The following SEPTIN2 variants were observed in gnomAD, a reference collection of about 807,000 sequenced individuals.
The protein encoded by SEPTIN2 is septin-2.
SEPTIN2 carries 34 observed loss-of-function variants against 46.5 expected under a neutral mutation model. That is an observed-to-expected ratio of 0.73 (90% CI 0.56 to 0.97). SEPTIN2 has a LOEUF of 0.97. Ranked by LOEUF, SEPTIN2 falls within the 50% of genes least tolerant of loss-of-function variation. The pLI, the probability that SEPTIN2 is intolerant of heterozygous loss-of-function variation, is 0.00. For synonymous variants in SEPTIN2, 175 were observed against 153.4 expected, an observed-to-expected ratio of 1.14 and a Z score of -1.04; for missense variants, 347 against 448.4, an observed-to-expected ratio of 0.77 and a Z score of 2.04.
chr2:241,346,133 A>T (rs1217347711), intron 9 of SEPTIN2, 33 bp from the exon 10 acceptor site: 1 of 1,540,664 alleles, frequency 6.5e-7, no homozygotes, highest in South Asian at 1.1e-5. Context: ...CATGTGCATG[A>T]TGCCACCTTG....
chr2:241,348,110 AT>A, intron 10 of SEPTIN2, 23 bp from the exon 11 acceptor site: 1 of 1,598,908 alleles, frequency 6.3e-7, no homozygotes, highest in Non-Finnish European at 8.6e-7. Context: ...CAGTGTTATG[AT>A]TCTGATTTCT....
At chr2:241,335,361 C>T (rs1360680887) in intron 4 of SEPTIN2, 149 bp downstream of exon 4, 1 of 1,552,260 alleles carries the variant, frequency 6.4e-7, no homozygotes, top group Non-Finnish European at 8.7e-7. Context: ...GGTAGGTGTG[C>T]TGCACCGAGG....
intron 7 of SEPTIN2, among the ~76,000 whole-genome samples, chr2:241,338,993 AAT>A (rs1196946578): frequency 1.9e-5 from 2 of 104,020 alleles, no homozygotes; most frequent in Non-Finnish European, 3.4e-5. Context: ...TATATTTATA[AAT>A]ATATATAAAT....
intron 10 of SEPTIN2, among the ~76,000 whole-genome samples, chr2:241,346,990 A>G (rs2060301186): frequency 1.3e-5 from 2 of 152,068 alleles, no homozygotes; most frequent in Non-Finnish European, 2.9e-5. Flanking sequence ...AACCATTCTA[A>G]TATGTTTTTA....
intron 3 of SEPTIN2, among the ~76,000 whole-genome samples, chr2:241,328,443 T>A (rs2078376656): frequency 6.6e-6 from 1 of 150,504 alleles, no homozygotes; most frequent in Admixed American, 6.6e-5. Context: ...AAAATAAAAT[T>A]AAGTAGAAAT....
Position 241,335,134 on chromosome 2 carries a change from G to A in SEPTIN2, c.139G>A (p.Gly47Ser). ...TTTCTTTTTATTTAAAGGTGAATCA[G>A]GTCTAGGAAAATCGACTCTCATAAA... The part of the protein sequence containing the change: ...EFTLMVVGES[G>S]LGKSTLINSL... The change falls in exon 4 of 13, where the codon GGT becomes AGT. Residue 47 changes from glycine to serine, a missense_variant. By Grantham distance (56) the Gly-to-Ser change is moderately conservative. Transcript: ENST00000391971. The A allele has an allele frequency of 6.2e-7, 1 of 1,611,736 alleles. No homozygotes were observed. Among genetic ancestry groups the A allele is most frequent in the Non-Finnish European group, 8.5e-7 (1 of 1,178,082 alleles).
At chr2:241,343,979 A>C in intron 9 of SEPTIN2, 82 bp downstream of exon 9, 1 of 1,505,888 alleles carries the variant, frequency 6.6e-7, no homozygotes, top group Non-Finnish European at 9.1e-7. Flanking sequence ...TTGGCCCCCA[A>C]GATAGTTGCA....
chr2:241,349,262 G>A (rs1185572260), intron 11 of SEPTIN2, among the ~76,000 whole-genome samples: 2 of 151,658 alleles, frequency 1.3e-5, no homozygotes, highest in East Asian at 1.9e-4. Flanking sequence ...CCAGCTACTC[G>A]GGAGGCTGAG....
chr2:241,336,143 T>C, intron 5 of SEPTIN2, 45 bp downstream of exon 5: 1 of 1,584,636 alleles, frequency 6.3e-7, no homozygotes, highest in Non-Finnish European at 8.6e-7. Flanking sequence ...TTACTTAATA[T>C]ACTTCATAAA....
At chr2:241,332,996 A>C (rs1035014012) in intron 3 of SEPTIN2, among the ~76,000 whole-genome samples, 3 of 152,178 alleles carry the variant, frequency 2.0e-5, no homozygotes, top group Non-Finnish European at 4.4e-5. Context: ...ACACAAAGCA[A>C]CTCTAGGGTT....
chr2:241,329,612 AAGGGTACACTCGCCAGCAGTTTTGTCAAG>A (rs1222427330), intron 3 of SEPTIN2, among the ~76,000 whole-genome samples: 1 of 152,218 alleles, frequency 6.6e-6, no homozygotes, highest in East Asian at 1.9e-4. Flanking sequence ...TTTCTACAGA[AAGGGTACACTCGCCAGCAGTTTTGTCAAG>A]AGGGTACACC....
intron 1 of SEPTIN2, chr2:241,320,407 G>C: frequency 2.3e-6 from 1 of 436,942 alleles, no homozygotes. Context: ...GGGCCATTTT[G>C]CTACATGTAG....
rs2060912117 is a variant in SEPTIN2, at chr2:241,353,298, T to C, written c.*1361T>C. 6.6e-6 allele frequency: 1 copy of C among 152,244 alleles called. No individual in the cohort carries two copies. Among genetic ancestry groups the C allele is most frequent in the Non-Finnish European group, 1.5e-5 (1 of 68,046 alleles). 9.4% of individuals were successfully genotyped at this position (152,244 alleles called of 1,614,324 possible). A position where few individuals can be genotyped will look rare whatever the true frequency, so the allele number is the denominator to read the frequency against. Reference sequence around the variant, plus strand: ...TGTTTTCTGTGCACTGTAGCCTTAGTGTCACCTTTCTTCTTGTGTCTCCTT... The same window carrying C: ...TGTTTTCTGTGCACTGTAGCCTTAGCGTCACCTTTCTTCTTGTGTCTCCTT... On this transcript the variant is annotated 3_prime_UTR_variant, in exon 13 of 13. Coordinates refer to ENST00000391971, the MANE Select transcript of SEPTIN2 (RefSeq NM_004404.5).
rs1342929505 is a variant in SEPTIN2 at position 241,346,241 on chromosome 2, A to T, written c.918A>T (p.Arg306Ser). ...YENFRSERLK[R>S]GGRKVENEDM... ...ACTTCCGTTCTGAGAGACTCAAGAG[A>T]GGCGGCAGGTCATCACACTGTGCCC... Residue 306 changes from arginine to serine, a missense_variant, in exon 10 of 13, where the codon AGA (arginine) becomes AGT (serine). Transcript: ENST00000391971. 1 of 1,613,602 alleles carries T rather than the reference A, an allele frequency of 6.2e-7. No individual in the cohort carries two copies. Among genetic ancestry groups the T allele is most frequent in the Admixed American group, 1.7e-5 (1 of 59,998 alleles).
Position 241,350,177 on chromosome 2 carries a change from T to C in SEPTIN2, c.*3T>C. The C allele has an allele frequency of 1.9e-6, 3 of 1,606,286 alleles. No homozygotes were observed. The highest frequency in any genetic ancestry group is 2.5e-6 in the Non-Finnish European group (3 of 1,176,718). On this transcript the variant is annotated 3_prime_UTR_variant, in exon 12 of 13. Transcript: ENST00000391971. ...GGGCTCTCGGGCACCACGTGTAAGG[T>C]GATGTGCACATATCAAGAAGTCAGA...
rs201869492 is a variant in SEPTIN2 at position 241,324,193 on chromosome 2, T to C, written c.-17-23T>C. ...TACTATGTATGTGCGTTTATGTGTGTCTGTGTGTTTTTTTTTTAACAGACG... is the reference window on the plus strand; with the variant it reads ...TACTATGTATGTGCGTTTATGTGTGCCTGTGTGTTTTTTTTTTAACAGACG... On this transcript the variant is annotated intron_variant, in intron 1 of 12. Transcript: ENST00000391971. 3 of 1,607,826 alleles carry C rather than the reference T, an allele frequency of 1.9e-6. No individual in the cohort carries two copies. In the South Asian group the frequency reaches 3.4e-5, roughly 18 times the overall value.
Position 241,338,989 on chromosome 2 carries a change from TATAA to T in SEPTIN2, c.594+1203_594+1206del, listed in dbSNP as rs2080849437. On this transcript the variant is annotated intron_variant, in intron 7 of 12. Coordinates refer to ENST00000391971, the MANE Select transcript of SEPTIN2 (RefSeq NM_004404.5). ...TATAAATATAATATATAAATATATT[TATAA>T]ATATATATAAATATTATATTTATAC... is the stretch of plus-strand genomic sequence containing the variant. 5.5e-5 allele frequency among the ~76,000 whole-genome samples: 6 copies of T among 109,948 alleles called. No individual in the cohort carries two copies. The South Asian group carries it at 1.5e-3, about 27-fold the overall frequency. The allele number at this position is 109,948 out of a possible 152,430, so 72.1% of individuals were successfully genotyped here. A position where few individuals can be genotyped will look rare whatever the true frequency, so the allele number is the denominator to read the frequency against.
intron 3 of SEPTIN2, among the ~76,000 whole-genome samples, chr2:241,334,049 T>A (rs548929459): frequency 6.6e-6 from 1 of 152,106 alleles, no homozygotes; most frequent in East Asian, 1.9e-4. Context: ...TTGTTTTGGT[T>A]TTTTGGGAGA....
chr2:241,348,644 C>T (rs1489471007), intron 11 of SEPTIN2, among the ~76,000 whole-genome samples: 1 of 151,888 alleles, frequency 6.6e-6, no homozygotes, highest in African/African-American at 2.4e-5. Flanking sequence ...ATACATATAA[C>T]TACTTTATTA....
Sources: allele counts gnomAD v4.1 joint callset (sites outside exome capture counted in the v4.1 genomes callset), GRCh38; gene constraint gnomAD v4.1.1; transcripts MANE v1.5; gene names NCBI Gene and HGNC (gene_info 2026-07-23, HGNC 2026-07-21).